The following ZNF69 variants were observed in gnomAD, a reference collection of about 807,000 sequenced individuals.
The protein encoded by ZNF69 is zinc finger protein 69, also known as ZNF3.
ZNF69 carries 47 observed loss-of-function variants against 50.9 expected under a neutral mutation model. That is an observed-to-expected ratio of 0.92 (90% confidence interval 0.73 to 1.18). ZNF69 has a LOEUF of 1.18. Ranked by LOEUF, ZNF69 falls within the 50% of genes most tolerant of loss-of-function variation. The pLI, the probability that ZNF69 is intolerant of heterozygous loss-of-function variation, is 0.00. For missense variants in ZNF69, 717 were observed against 675.1 expected (o/e 1.06, Z -0.69); for synonymous variants, 216 against 223.1 (o/e 0.97, Z 0.29).
At chr19:11,894,996 G>A (rs1474935179) in intron 1 of ZNF69, among the ~76,000 whole-genome samples, 2 of 152,230 alleles carry the variant, frequency 1.3e-5, no homozygotes, top group Non-Finnish European at 2.9e-5. Flanking sequence ...AAGTAGTCAT[G>A]AGCGCTTCGG....
chr19:11,966,904 C>T, the ZNF69 span, among the ~76,000 whole-genome samples: 1 of 152,152 alleles, frequency 6.6e-6, no homozygotes, highest in Non-Finnish European at 1.5e-5. Context: ...GGACTCAGTC[C>T]TCCAAAATTG....
At chr19:11,956,137 T>C in the ZNF69 span, among the ~76,000 whole-genome samples, 1 of 152,170 alleles carries the variant, frequency 6.6e-6, no homozygotes, top group Admixed American at 6.5e-5. Flanking sequence ...TATATTTCAA[T>C]GATTTCATTG....
the ZNF69 span, among the ~76,000 whole-genome samples, chr19:11,969,977 G>C: frequency 6.6e-6 from 1 of 152,198 alleles, no homozygotes; most frequent in Non-Finnish European, 1.5e-5. Flanking sequence ...CCCCACAACT[G>C]CCATGTCTCC....
chr19:11,891,646 C>T (rs937563652), intron 1 of ZNF69, among the ~76,000 whole-genome samples: 1 of 152,206 alleles, frequency 6.6e-6, no homozygotes. Context: ...CTATCCTTTA[C>T]ATTTTAGCAC....
At position 11,889,289 on chromosome 19, in the gene ZNF69, T is replaced by G. The variant is rs562947190; in HGVS notation, c.63+1303T>G. Among the ~76,000 whole-genome samples, 44 of 152,304 alleles carry G rather than the reference T, an allele frequency of 2.9e-4. No homozygotes were observed. In the South Asian group the frequency reaches 4.4e-3, roughly 15 times the overall value. On this transcript the variant is annotated intron_variant, in intron 1 of 3. Transcript: ENST00000429654. ...CAAGGAGTCTGTTTTTCCAGTCAGA[T>G]AATGTCTGTTTTTACATGAATGTGC...
Position 11,899,582 on chromosome 19 carries a change from G to A in ZNF69, c.64-3991G>A, listed in dbSNP as rs184771894. 1.5e-3 allele frequency among the ~76,000 whole-genome samples: 231 copies of A among 152,184 alleles called. 1 individual carries two copies. The highest frequency in any genetic ancestry group is 3.7e-3 in the Admixed American group (57 of 15,274). On this transcript the variant is annotated intron_variant, in intron 1 of 3. Coordinates refer to ENST00000429654, the MANE Select transcript of ZNF69 (RefSeq NM_001364730.1). ...GGGAGACTGAGGTGAGATTGCTTAA[G>A]GCCAGAAGTTAGAGAACAGCCTGGT...
chr19:11,925,194 G>C, the ZNF69 span: 2 of 1,611,306 alleles, frequency 1.2e-6, no homozygotes, highest in Non-Finnish European at 1.7e-6. Flanking sequence ...GGCTTCTGTC[G>C]CTCTGTCGCC....
chr19:11,888,512 A>T (rs1236987662), intron 1 of ZNF69, among the ~76,000 whole-genome samples: 6 of 152,232 alleles, frequency 3.9e-5, no homozygotes, highest in Non-Finnish European at 7.3e-5. Context: ...TTCGGAGCCG[A>T]ATAGGAGAGA....
the ZNF69 span, among the ~76,000 whole-genome samples, chr19:11,937,249 T>C: frequency 1.3e-5 from 2 of 152,206 alleles, no homozygotes; most frequent in African/African-American, 4.8e-5. Context: ...GGAGGTAGTT[T>C]TGTAAAAGGT....
chr19:11,939,776 TATC>T, the ZNF69 span, among the ~76,000 whole-genome samples: 1 of 151,654 alleles, frequency 6.6e-6, no homozygotes, highest in African/African-American at 2.4e-5. Context: ...CATGATTTAT[TATC>T]ATTACTTATT....
At chr19:11,966,828 G>C in the ZNF69 span, among the ~76,000 whole-genome samples, 6 of 152,132 alleles carry the variant, frequency 3.9e-5, no homozygotes, top group South Asian at 6.2e-4. Context: ...ATTTCAGCTG[G>C]AAGAGTTTAT....
At chr19:11,925,995 G>A in the ZNF69 span, among the ~76,000 whole-genome samples, 2 of 152,148 alleles carry the variant, frequency 1.3e-5, no homozygotes, top group African/African-American at 4.8e-5. Flanking sequence ...TGTGGAAGGG[G>A]GGTTAGAAGG....
chr19:11,930,336 T>C, the ZNF69 span, among the ~76,000 whole-genome samples: 1 of 148,342 alleles, frequency 6.7e-6, no homozygotes. Flanking sequence ...CCAACAAGGT[T>C]GTATTTAGCT....
the ZNF69 span, among the ~76,000 whole-genome samples, chr19:11,938,734 T>C: frequency 6.6e-6 from 1 of 152,260 alleles, no homozygotes; most frequent in Non-Finnish European, 1.5e-5. Flanking sequence ...CCTTTGGGTA[T>C]ATACCCAGTA....
chr19:11,978,968 A>T, the ZNF69 span: 2 of 1,614,196 alleles, frequency 1.2e-6, no homozygotes, highest in Middle Eastern at 1.7e-4. Flanking sequence ...GTAGAAAAGC[A>T]TTCACGTATC....
chr19:11,979,410 A>G, the ZNF69 span: 4 of 1,609,754 alleles, frequency 2.5e-6, no homozygotes, highest in Admixed American at 6.7e-5. Flanking sequence ...CTTCAAATTC[A>G]TGAAAGGACA....
At chr19:11,922,268 A>T in the ZNF69 span, among the ~76,000 whole-genome samples, 1 of 152,240 alleles carries the variant, frequency 6.6e-6, no homozygotes, top group Non-Finnish European at 1.5e-5. Context: ...ATGCAAGGTC[A>T]TAAATTATGT....
At chr19:11,938,014 A>T in the ZNF69 span, among the ~76,000 whole-genome samples, 2 of 152,172 alleles carry the variant, frequency 1.3e-5, no homozygotes, top group Non-Finnish European at 2.9e-5. Context: ...AACACTACTC[A>T]TAAATGGGCT....
At chr19:11,890,969 A>G (rs1977071308) in intron 1 of ZNF69, among the ~76,000 whole-genome samples, 3 of 152,160 alleles carry the variant, frequency 2.0e-5, no homozygotes, top group African/African-American at 7.2e-5. Context: ...AGGAAAAAAA[A>G]CAGACTCCAG....
Sources: allele counts gnomAD v4.1 joint callset (sites outside exome capture counted in the v4.1 genomes callset), GRCh38; gene constraint gnomAD v4.1.1; transcripts MANE v1.5; gene names NCBI Gene and HGNC (gene_info 2026-07-23, HGNC 2026-07-21).